GALNT17: variants seen among roughly 807,000 people sequenced by gnomAD.
The protein encoded by GALNT17 is UDP-GalNAc:polypeptide N-acetylgalactosaminyltransferase-like 3.
Under a neutral mutation model 63.7 loss-of-function variants are expected in GALNT17, and 29 were observed. That is an observed-to-expected ratio of 0.46 (90% CI 0.34 to 0.62). The LOEUF (loss-of-function observed/expected upper bound fraction) is 0.62, where lower values mean the gene tolerates loss of function less well. Ranked by LOEUF, GALNT17 falls within the 20% of genes least tolerant of loss-of-function variation. GALNT17 has a pLI of 0.01. For missense variants in GALNT17, 603 were observed against 799.6 expected (o/e 0.75, Z 2.97); for synonymous variants, 305 against 318.3 (o/e 0.96, Z 0.45).
intron 1 of GALNT17, among the ~76,000 whole-genome samples, chr7:71,142,798 G>A (rs1222908788): frequency 2.0e-5 from 3 of 151,986 alleles, no homozygotes; most frequent in Admixed American, 2.0e-4. Flanking sequence ...AAAATTAGCT[G>A]GGCTTGGTGG....
chr7:71,677,160 A>G, intron 8 of GALNT17, 51 bp from the exon 9 acceptor site: 1 of 1,591,238 alleles, frequency 6.3e-7, no homozygotes, highest in Non-Finnish European at 8.6e-7. Flanking sequence ...CTCGGCATCC[A>G]CACCTCCACT....
At chr7:71,575,221 G>A (rs993413476) in intron 6 of GALNT17, among the ~76,000 whole-genome samples, 8 of 151,930 alleles carry the variant, frequency 5.3e-5, no homozygotes, top group South Asian at 2.1e-4. Context: ...CATCCCCACC[G>A]CCTGAATAAA....
Position 71,382,149 on chromosome 7 carries a change from G to A in GALNT17, c.423-6086G>A, listed in dbSNP as rs546266348. Among the ~76,000 whole-genome samples the A allele has an allele frequency of 3.3e-5, 5 of 152,248 alleles. No homozygotes were observed. In the South Asian group the frequency reaches 1.0e-3, roughly 32 times the overall value. On this transcript the variant is annotated intron_variant, in intron 2 of 10. Transcript: ENST00000333538. Reference sequence around the variant, plus strand: ...AATCCTAGCACTTTGGGAGGCCGAGGTGGGCAGATCGCCTGAGGTCAGGAG... The same window carrying A: ...AATCCTAGCACTTTGGGAGGCCGAGATGGGCAGATCGCCTGAGGTCAGGAG...
intron 2 of GALNT17, among the ~76,000 whole-genome samples, chr7:71,343,867 G>A (rs940513390): frequency 1.3e-5 from 2 of 150,638 alleles, no homozygotes; most frequent in Admixed American, 6.6e-5. Context: ...TATGCTTTTT[G>A]TATATAAGTA....
At chr7:71,461,222 G>A (rs565618230) in intron 5 of GALNT17, among the ~76,000 whole-genome samples, 21 of 131,376 alleles carry the variant, frequency 1.6e-4, no homozygotes, top group Non-Finnish European at 3.1e-4. Flanking sequence ...AGTTGACACC[G>A]TAGACTTGTC....
chr7:71,359,443 A>T (rs1792356209), intron 2 of GALNT17, among the ~76,000 whole-genome samples: 1 of 152,146 alleles, frequency 6.6e-6, no homozygotes, highest in African/African-American at 2.4e-5. Flanking sequence ...ACCCACTACC[A>T]TGAGGATAGC....
At chr7:71,227,516 C>T (rs1053471755) in intron 1 of GALNT17, among the ~76,000 whole-genome samples, 39 of 152,106 alleles carry the variant, frequency 2.6e-4, no homozygotes, top group African/African-American at 8.9e-4. Flanking sequence ...CATGGACACA[C>T]AATTTGGATG....
At chr7:71,410,522 A>C (rs759671661) in intron 3 of GALNT17, among the ~76,000 whole-genome samples, 21 of 152,208 alleles carry the variant, frequency 1.4e-4, no homozygotes, top group Non-Finnish European at 2.6e-4. Context: ...CTGGGATTAT[A>C]GGTGTGAGCC....
intron 4 of GALNT17, among the ~76,000 whole-genome samples, chr7:71,419,272 A>G (rs1204683737): frequency 6.6e-6 from 1 of 152,208 alleles, no homozygotes; most frequent in Non-Finnish European, 1.5e-5. Flanking sequence ...CAGCTAGGTT[A>G]GAAACCTCCT....
chr7:71,456,141 G>C (rs1274788906), intron 5 of GALNT17, among the ~76,000 whole-genome samples: 1 of 152,092 alleles, frequency 6.6e-6, no homozygotes, highest in Non-Finnish European at 1.5e-5. Flanking sequence ...AGCTATTCAG[G>C]AGGCTGAGGC....
At chr7:71,683,215 A>G (rs879288943) in intron 9 of GALNT17, among the ~76,000 whole-genome samples, 3 of 151,984 alleles carry the variant, frequency 2.0e-5, no homozygotes, top group Admixed American at 1.3e-4. Flanking sequence ...AGTCAATCTC[A>G]TGTTGCTTTC....
At chr7:71,373,724 T>G (rs953908173) in intron 2 of GALNT17, among the ~76,000 whole-genome samples, 2 of 152,176 alleles carry the variant, frequency 1.3e-5, no homozygotes, top group Admixed American at 1.3e-4. Flanking sequence ...CCTGATGATC[T>G]GAGATGGAAC....
chr7:71,345,613 G>A, intron 2 of GALNT17, among the ~76,000 whole-genome samples: 1 of 152,128 alleles, frequency 6.6e-6, no homozygotes, highest in East Asian at 1.9e-4. Flanking sequence ...GGCTGACCAT[G>A]GGTATTTGAG....
intron 1 of GALNT17, among the ~76,000 whole-genome samples, chr7:71,262,302 G>A (rs1478584769): frequency 1.3e-5 from 2 of 151,924 alleles, no homozygotes; most frequent in Non-Finnish European, 2.9e-5. Flanking sequence ...TTCTTGTAGA[G>A]GCAGACTGTC....
At chr7:71,592,515 A>ATAAAATAAAATAAAATAAAG (rs1562703200) in intron 6 of GALNT17, among the ~76,000 whole-genome samples, 35 of 85,830 alleles carry the variant, frequency 4.1e-4, no homozygotes, top group Admixed American at 1.1e-3. Flanking sequence ...ATAAAATAAA[A>ATAAAATAAAATAAAATAAAG]TAAAATAAAA....
At chr7:71,657,609 G>C (rs866597930) in intron 6 of GALNT17, among the ~76,000 whole-genome samples, 13 of 152,254 alleles carry the variant, frequency 8.5e-5, no homozygotes, top group Middle Eastern at 3.4e-3. Flanking sequence ...AGCTGTCCAG[G>C]CTGTGGCAGA....
intron 1 of GALNT17, among the ~76,000 whole-genome samples, chr7:71,225,180 G>T (rs370246526): frequency 6.6e-6 from 1 of 152,046 alleles, no homozygotes; most frequent in Admixed American, 6.5e-5. Flanking sequence ...TGTTGGCCAG[G>T]CTGGTCTTGA....
intron 1 of GALNT17, among the ~76,000 whole-genome samples, chr7:71,265,163 G>C (rs1203238491): frequency 8.7e-6 from 1 of 114,540 alleles, no homozygotes; most frequent in African/African-American, 3.4e-5. Flanking sequence ...GTCTCTCTCT[G>C]TCACTCAGTC....
chr7:71,183,917 A>T (rs2116319767), intron 1 of GALNT17, among the ~76,000 whole-genome samples: 1 of 152,238 alleles, frequency 6.6e-6, no homozygotes, highest in Non-Finnish European at 1.5e-5. Context: ...CACACAAAGC[A>T]GCAGCAGGGA....
Sources: gnomAD v4.1 joint callset for allele counts (sites outside exome capture counted in the v4.1 genomes callset) on GRCh38, gnomAD v4.1.1 for gene constraint, MANE v1.5 for transcripts, NCBI Gene and HGNC (gene_info 2026-07-23, HGNC 2026-07-21) for gene names.